CACNA2D1: variants seen among roughly 807,000 people sequenced by gnomAD.
CACNA2D1 encodes calcium voltage-gated channel auxiliary subunit alpha2delta 1.
A neutral mutation model predicts 171.5 loss-of-function variants in CACNA2D1; 53 were observed. The observed-to-expected ratio is 0.31, with a 90% confidence interval of 0.25 to 0.39. The LOEUF is 0.39. Among genes scored for constraint, CACNA2D1 ranks in the 10% least tolerant of loss-of-function variants. The pLI, the probability that CACNA2D1 is intolerant of heterozygous loss-of-function variation, is 1.00. For missense variants in CACNA2D1, 903 were observed against 1,299.8 expected (o/e 0.69, Z 4.69); for synonymous variants, 442 against 443.1 (o/e 1.00, Z 0.03).
intron 3 of CACNA2D1, among the ~76,000 whole-genome samples, chr7:82,171,061 T>C (rs1795969104): frequency 6.6e-6 from 1 of 152,064 alleles, no homozygotes; most frequent in African/African-American, 2.4e-5. Flanking sequence ...TATTGAGTTT[T>C]TACCAAAAGC....
intron 6 of CACNA2D1, among the ~76,000 whole-genome samples, chr7:82,113,448 C>A (rs981841071): frequency 6.6e-6 from 1 of 152,028 alleles, no homozygotes; most frequent in Non-Finnish European, 1.5e-5. Flanking sequence ...AAGGAGCAAC[C>A]AGTGAAATTC....
chr7:82,175,839 C>T (rs1190359673), intron 3 of CACNA2D1, among the ~76,000 whole-genome samples: 2 of 151,974 alleles, frequency 1.3e-5, no homozygotes, highest in African/African-American at 2.4e-5. Flanking sequence ...GTTTTGCTTC[C>T]GTTTGAACCT....
intron 3 of CACNA2D1, among the ~76,000 whole-genome samples, chr7:82,309,471 T>G (rs1378786614): frequency 6.9e-6 from 1 of 145,902 alleles, no homozygotes; most frequent in Non-Finnish European, 1.5e-5. Context: ...ATTCAGACAT[T>G]TTTGCCTGGG....
chr7:81,954,074 T>C (rs1314972754), intron 38 of CACNA2D1, among the ~76,000 whole-genome samples: 2 of 152,110 alleles, frequency 1.3e-5, no homozygotes, highest in Non-Finnish European at 2.9e-5. Context: ...GTCCATGTAA[T>C]GTATTTCATA....
chr7:82,003,171 AATG>A, intron 18 of CACNA2D1, among the ~76,000 whole-genome samples: 1 of 152,270 alleles, frequency 6.6e-6, no homozygotes, highest in East Asian at 1.9e-4. Flanking sequence ...TTACTGAATT[AATG>A]ATGAGAATTC....
At position 81,961,887 on chromosome 7, in the gene CACNA2D1, A is replaced by G; in HGVS notation, c.2966+7T>C. On this transcript the variant is annotated splice_region_variant and intron_variant, in intron 36 of 38. Transcript: ENST00000356860. ...AAATAGGACTACTCCTGAAATAAAT[A>G]AATTACCTGGAACAGTTTCCACAGT... 6.2e-7 allele frequency: 1 copy of G among 1,601,512 alleles called. No homozygotes were observed. The highest frequency in any genetic ancestry group is 8.6e-7 in the Non-Finnish European group (1 of 1,169,138).
At chr7:82,066,702 G>A (rs746031241) in intron 7 of CACNA2D1, among the ~76,000 whole-genome samples, 178 bp from the exon 8 acceptor site, 1 of 151,938 alleles carries the variant, frequency 6.6e-6, no homozygotes, top group Non-Finnish European at 1.5e-5. Flanking sequence ...AAAACAACAC[G>A]GCAGTACAAA....
Position 81,964,203 on chromosome 7 carries a change from T to C in CACNA2D1, c.2727+4A>G, listed in dbSNP as rs1214386291. ...GAATTGATTAGACCGTGGATATTAC[T>C]GACCACATATGCTGAGCGATGTCCT... On this transcript the variant is annotated splice_donor_region_variant and intron_variant, in intron 33 of 38. Coordinates refer to ENST00000356860, the MANE Select transcript of CACNA2D1 (RefSeq NM_000722.4). The C allele has an allele frequency of 6.2e-7, 1 of 1,612,874 alleles. No homozygotes were observed. Among genetic ancestry groups the C allele is most frequent in the Non-Finnish European group, 8.5e-7 (1 of 1,179,164 alleles).
intron 11 of CACNA2D1, among the ~76,000 whole-genome samples, chr7:82,035,289 T>A (rs1803171700): frequency 6.6e-6 from 1 of 151,980 alleles, no homozygotes; most frequent in Admixed American, 6.6e-5. Flanking sequence ...GGGACTGATA[T>A]GTCTAATGCT....
chr7:82,278,093 G>T (rs949990805), intron 3 of CACNA2D1, among the ~76,000 whole-genome samples: 2 of 151,900 alleles, frequency 1.3e-5, no homozygotes, highest in African/African-American at 2.4e-5. Context: ...TGACAACAAG[G>T]CTCCTCTCTC....
chr7:82,173,574 T>C (rs1428581432), intron 3 of CACNA2D1, among the ~76,000 whole-genome samples: 1 of 151,770 alleles, frequency 6.6e-6, no homozygotes, highest in Non-Finnish European at 1.5e-5. Context: ...TTAGTCTATC[T>C]CGGGACTAGA....
At chr7:81,981,303 A>G (rs1278979790) in intron 24 of CACNA2D1, among the ~76,000 whole-genome samples, 1 of 152,156 alleles carries the variant, frequency 6.6e-6, no homozygotes, top group Non-Finnish European at 1.5e-5. Context: ...AGAAAAACAG[A>G]ATAGTGTGTC....
At chr7:82,092,233 A>G (rs1156411035) in intron 6 of CACNA2D1, among the ~76,000 whole-genome samples, 1 of 152,220 alleles carries the variant, frequency 6.6e-6, no homozygotes, top group Non-Finnish European at 1.5e-5. Flanking sequence ...CTCACATCAT[A>G]AGATATTCTT....
At chr7:82,206,835 A>G (rs1415505576) in intron 3 of CACNA2D1, among the ~76,000 whole-genome samples, 1 of 152,204 alleles carries the variant, frequency 6.6e-6, no homozygotes, top group Non-Finnish European at 1.5e-5. Flanking sequence ...ACTAAAAAAC[A>G]AAACAATAAT....
chr7:82,096,971 C>T (rs1213004581), intron 6 of CACNA2D1, among the ~76,000 whole-genome samples: 2 of 152,040 alleles, frequency 1.3e-5, no homozygotes, highest in African/African-American at 2.4e-5. Context: ...ATAACAGACC[C>T]TATGAGTAAC....
intron 3 of CACNA2D1, among the ~76,000 whole-genome samples, chr7:82,211,227 G>A (rs976535596): frequency 8.6e-5 from 13 of 151,724 alleles, no homozygotes; most frequent in African/African-American, 3.1e-4. Flanking sequence ...ATTATTTTAG[G>A]TCCAGGGGCA....
intron 3 of CACNA2D1, among the ~76,000 whole-genome samples, chr7:82,232,637 G>A (rs1173844577): frequency 6.6e-6 from 1 of 151,806 alleles, no homozygotes; most frequent in African/African-American, 2.4e-5. Context: ...AGGCCGAGGT[G>A]GGCAGATCAC....
intron 4 of CACNA2D1, among the ~76,000 whole-genome samples, chr7:82,148,437 G>A (rs1793406143): frequency 6.6e-6 from 1 of 152,154 alleles, no homozygotes; most frequent in South Asian, 2.1e-4. Context: ...AAAGTGACAT[G>A]TATATGGACT....
At chr7:82,233,159 AAG>A (rs1049697120) in intron 3 of CACNA2D1, among the ~76,000 whole-genome samples, 6 of 152,156 alleles carry the variant, frequency 3.9e-5, no homozygotes, top group African/African-American at 9.6e-5. Flanking sequence ...TTTCAGGTGA[AAG>A]AATTAATTAT....
Sources: gnomAD v4.1 joint callset for allele counts (sites outside exome capture counted in the v4.1 genomes callset) on GRCh38, gnomAD v4.1.1 for gene constraint, MANE v1.5 for transcripts, NCBI Gene and HGNC (gene_info 2026-07-23, HGNC 2026-07-21) for gene names.